PRSS12: variants seen among roughly 807,000 people sequenced by gnomAD.
PRSS12 encodes the protein serine protease 12.
PRSS12 carries 85 observed loss-of-function variants against 104.4 expected under a neutral mutation model. That is an observed-to-expected ratio of 0.81 (90% CI 0.68 to 0.98). The LOEUF (loss-of-function observed/expected upper bound fraction) is 0.98, where lower values mean the gene tolerates loss of function less well. PRSS12 is among the 50% of genes least tolerant of loss of function. The pLI, the probability that PRSS12 is intolerant of heterozygous loss-of-function variation, is 0.00. For synonymous variants in PRSS12, 454 were observed against 425.2 expected (o/e 1.07, Z -0.83); for missense variants, 1,141 against 1,139.2 (o/e 1.00, Z -0.02).
At position 118,340,642 on chromosome 4, in the gene PRSS12, T is replaced by C. The variant is rs535537735; in HGVS notation, c.503-2328A>G. On this transcript the variant is annotated intron_variant, in intron 1 of 12. Transcript: ENST00000296498. ...AGTTTGAACACACGATTCATTCTAT[T>C]GTAGGAGCCAAGAGCACTTTCTCTG... is the stretch of plus-strand genomic sequence containing the variant. 6.6e-5 allele frequency among the ~76,000 whole-genome samples: 10 copies of C among 152,358 alleles called. No homozygotes were observed. The East Asian group carries it at 1.7e-3, about 26-fold the overall frequency.
intron 3 of PRSS12, 75 bp from the exon 4 acceptor site, chr4:118,331,941 T>A: frequency 1.3e-6 from 2 of 1,576,124 alleles, no homozygotes; most frequent in South Asian, 2.3e-5. Flanking sequence ...ATATTCTATA[T>A]TTTTTGCCAT....
At chr4:118,341,801 C>A (rs115455238) in intron 1 of PRSS12, among the ~76,000 whole-genome samples, 388 of 152,326 alleles carry the variant, frequency 2.5e-3, no homozygotes, top group African/African-American at 9.0e-3. Flanking sequence ...CAACTATCTC[C>A]TAGTTCCCTG....
chr4:118,315,064 A>G (rs1743869528), intron 6 of PRSS12, among the ~76,000 whole-genome samples: 1 of 152,114 alleles, frequency 6.6e-6, no homozygotes, highest in Non-Finnish European at 1.5e-5. Context: ...CTGCCCAAGA[A>G]AAGACAAAAT....
At chr4:118,328,419 C>T (rs1723834994) in intron 4 of PRSS12, among the ~76,000 whole-genome samples, 1 of 152,226 alleles carries the variant, frequency 6.6e-6, no homozygotes. Flanking sequence ...TAATACTTTA[C>T]TTAACCCATG....
At chr4:118,320,544 G>A (rs1051431813) in intron 4 of PRSS12, among the ~76,000 whole-genome samples, 8 of 152,140 alleles carry the variant, frequency 5.3e-5, no homozygotes, top group African/African-American at 1.9e-4. Flanking sequence ...TTGAGCTCAG[G>A]AGTTTGAGAT....
rs375112684 is a variant in PRSS12 at position 118,282,863 on chromosome 4, G to C, written c.2288C>G (p.Ser763Cys). 3 of 1,614,138 alleles carry C rather than the reference G, an allele frequency of 1.9e-6. No individual in the cohort carries two copies. Among genetic ancestry groups the C allele is most frequent in the East Asian group, 4.5e-5 (2 of 44,876 alleles). Residue 763 changes from serine to cysteine, a missense_variant, in exon 12 of 13, where the codon TCC becomes TGC. Coordinates refer to ENST00000296498, the MANE Select transcript of PRSS12 (RefSeq NM_003619.4). ...ACCCCATCCTGTTATGTAACAGTTG[G>C]ATGCTGTTTTCTGTGGCCTCTCTCT... is the stretch of plus-strand genomic sequence containing the variant. ...LWRERPQKTA[S>C]NCYITGWGDT... is the part of the protein sequence containing the mutation.
chr4:118,337,973 T>C (rs535738939), intron 2 of PRSS12, among the ~76,000 whole-genome samples: 1 of 152,176 alleles, frequency 6.6e-6, no homozygotes, highest in African/African-American at 2.4e-5. Flanking sequence ...TCAGCCCAGA[T>C]AGTAATATGT....
At chr4:118,307,755 A>C (rs1743593378) in intron 8 of PRSS12, among the ~76,000 whole-genome samples, 1 of 152,176 alleles carries the variant, frequency 6.6e-6, no homozygotes, top group African/African-American at 2.4e-5. Context: ...CTCACGCCTG[A>C]GGGAAGCTTA....
At chr4:118,302,071 G>T (rs535429411) in intron 8 of PRSS12, among the ~76,000 whole-genome samples, 17 of 152,086 alleles carry the variant, frequency 1.1e-4, no homozygotes, top group African/African-American at 4.1e-4. Context: ...AAGGAATGTT[G>T]ATTTTATCAT....
At chr4:118,350,891 T>A (rs1724482121) in intron 1 of PRSS12, among the ~76,000 whole-genome samples, 1 of 152,220 alleles carries the variant, frequency 6.6e-6, no homozygotes. Flanking sequence ...TTTATAAAAC[T>A]AAGAATAATA....
chr4:118,338,176 C>A lies in PRSS12; in HGVS notation c.641G>T (p.Gly214Val). The A allele has an allele frequency of 6.2e-7, 1 of 1,613,888 alleles. No homozygotes were observed. The highest frequency in any genetic ancestry group is 8.5e-7 in the Non-Finnish European group (1 of 1,179,898). The change falls in exon 2 of 13, where the codon GGA becomes GTA. Residue 214 changes from glycine (G) to valine (V), a missense_variant and splice_region_variant. Gly to Val is a moderately radical substitution (Grantham distance 109). Coordinates refer to ENST00000296498, the MANE Select transcript of PRSS12 (RefSeq NM_003619.4). ...ASVICHQLQLGGKGIAKQTPF... is the reference protein window; with the variant it reads ...ASVICHQLQLVGKGIAKQTPF... ...TTTGGTCAGGGATGGGTACACTCACCCCAGCTGCAGCTGGTGACAAATGAC... is the reference window on the plus strand; with the variant it reads ...TTTGGTCAGGGATGGGTACACTCACACCAGCTGCAGCTGGTGACAAATGAC...
Position 118,344,476 on chromosome 4 carries a change from A to G in PRSS12, c.503-6162T>C, listed in dbSNP as rs28656407. Among the ~76,000 whole-genome samples the G allele has an allele frequency of 6.2e-3, 945 of 152,246 alleles. 11 individuals carry two copies. The highest frequency in any genetic ancestry group is 0.021 in the African/African-American group (883 of 41,570). ...TATTTACCTGTTAATTAAACCTGCT[A>G]TATCTTTGCTAAATAGTATATTTTA... On this transcript the variant is annotated intron_variant, in intron 1 of 12. Transcript: ENST00000296498.
chr4:118,330,849 TA>T (rs1723899992), intron 4 of PRSS12, among the ~76,000 whole-genome samples: 1 of 152,172 alleles, frequency 6.6e-6, no homozygotes, highest in Non-Finnish European at 1.5e-5. Context: ...GAGAGCCAAT[TA>T]TTTTTAAAAA....
intron 8 of PRSS12, among the ~76,000 whole-genome samples, chr4:118,305,658 A>C (rs766051390): frequency 1.3e-5 from 2 of 152,084 alleles, no homozygotes; most frequent in Non-Finnish European, 2.9e-5. Context: ...GGCTTTGGTA[A>C]GAACACAAAT....
At chr4:118,331,981 C>T in intron 3 of PRSS12, 115 bp from the exon 4 acceptor site, 1 of 1,335,432 alleles carries the variant, frequency 7.5e-7, no homozygotes, top group Non-Finnish European at 1.0e-6. Context: ...TTTATAAAGC[C>T]ACACCAGTGA....
intron 4 of PRSS12, among the ~76,000 whole-genome samples, chr4:118,319,929 A>T (rs1021210957): frequency 5.3e-5 from 8 of 151,488 alleles, no homozygotes; most frequent in African/African-American, 1.7e-4. Context: ...TCCCACCTCA[A>T]CCTCCCAAAA....
At chr4:118,341,236 T>G (rs906317937) in intron 1 of PRSS12, among the ~76,000 whole-genome samples, 1 of 152,232 alleles carries the variant, frequency 6.6e-6, no homozygotes, top group Non-Finnish European at 1.5e-5. Flanking sequence ...TTTCTGAGAC[T>G]ACTTCTGAGG....
chr4:118,307,065 A>T (rs2126031781), intron 8 of PRSS12, among the ~76,000 whole-genome samples: 1 of 152,298 alleles, frequency 6.6e-6, no homozygotes, highest in East Asian at 1.9e-4. Flanking sequence ...GAACAAGAAT[A>T]ATTTTTTTTT....
At chr4:118,295,422 A>G (rs1743231728) in intron 10 of PRSS12, among the ~76,000 whole-genome samples, 2 of 152,224 alleles carry the variant, frequency 1.3e-5, no homozygotes, top group Admixed American at 6.5e-5. Context: ...CCATGAGTAA[A>G]TTCTACAAAC....
Sources: gnomAD v4.1 joint callset for allele counts (sites outside exome capture counted in the v4.1 genomes callset) on GRCh38, gnomAD v4.1.1 for gene constraint, MANE v1.5 for transcripts, NCBI Gene and HGNC (gene_info 2026-07-23, HGNC 2026-07-21) for gene names.